Variants in VWCE observed in about 807,000 individuals in gnomAD.
VWCE encodes the protein von Willebrand factor C and EGF domains.
Under a neutral mutation model 102.9 loss-of-function variants are expected in VWCE, and 68 were observed. The observed-to-expected ratio is 0.66, with a 90% CI of 0.54 to 0.81. VWCE has a LOEUF of 0.81. Ranked by LOEUF, VWCE falls within the 30% of genes least tolerant of loss-of-function variation. The pLI, the probability that VWCE is intolerant of heterozygous loss-of-function variation, is 0.00. For synonymous variants in VWCE, 497 were observed against 515.4 expected, an observed-to-expected ratio of 0.96 and a Z score of 0.48; for missense variants, 1,137 against 1,263.6, an observed-to-expected ratio of 0.90 and a Z score of 1.52.
rs746761143 is a variant in VWCE at position 61,286,401 on chromosome 11, C to T, written c.454G>A (p.Glu152Lys). Residue 152 changes from glutamate (E) to lysine (K), a missense_variant, in exon 5 of 20, where the codon GAG (glutamate) becomes AAG (lysine). By Grantham distance (56) the Glu-to-Lys change is moderately conservative (BLOSUM62 1). Around this residue, in one of 5 missense-constraint regions of VWCE, gnomAD observed 575 missense variants for 625.9 expected, o/e 0.92. Coordinates refer to ENST00000335613, the MANE Select transcript of VWCE (RefSeq NM_152718.2). Reference protein sequence around the residue: ...DIDECVTSSCEGHCVNTEGGF... With the variant: ...DIDECVTSSCKGHCVNTEGGF... ...CCTTCTGTGTTCACACAGTGGCCCT[C>T]GCAGGAGGAGGTTACACATTCGTCA... 16 of 1,612,754 alleles carry T rather than the reference C, an allele frequency of 9.9e-6. No individual in the cohort carries two copies. The South Asian group carries it at 1.1e-4, about 11-fold the overall frequency.
At chr11:61,292,770 C>A (rs1190560098) in intron 1 of VWCE, among the ~76,000 whole-genome samples, 1 of 152,086 alleles carries the variant, frequency 6.6e-6, no homozygotes, top group East Asian at 1.9e-4. Context: ...CATAGAGTGA[C>A]AAATGCCACA....
chr11:61,268,970 G>A lies in VWCE; in HGVS notation c.1834C>T (p.Pro612Ser), dbSNP rs755637025. Residue 612 changes from proline (P) to serine (S), a missense_variant, in exon 15 of 20, where the codon CCT (proline) becomes TCT (serine). Pro to Ser is a moderately conservative substitution (Grantham distance 74). This residue lies in a region of VWCE where 212 missense variants were observed against 235.1 expected (regional missense o/e 0.90). Transcript: ENST00000335613. ...TGTCCAGGGATCCGGATCGGGTGAG[G>A]GCAGGAGTCCACACAGTCTGTCCTC... ...CKRTDCVDSCPHPIRIPGQCC... is the reference protein window; with the variant it reads ...CKRTDCVDSCSHPIRIPGQCC... The A allele has an allele frequency of 4.3e-6, 7 of 1,614,114 alleles. No homozygotes were observed. Among genetic ancestry groups the A allele is most frequent in the Admixed American group, 1.7e-5 (1 of 60,032 alleles).
chr11:61,260,352 T>C (rs963698772), intron 19 of VWCE, among the ~76,000 whole-genome samples: 4 of 152,180 alleles, frequency 2.6e-5, no homozygotes, highest in African/African-American at 9.7e-5. Context: ...TGGCTCACTG[T>C]ACCCTCAACC....
intron 11 of VWCE, 71 bp downstream of exon 11, chr11:61,276,522 G>T: frequency 8.4e-7 from 1 of 1,187,586 alleles, no homozygotes; most frequent in Non-Finnish European, 1.1e-6. Context: ...ACCAGCCTGG[G>T]CAACATAGTG....
At chr11:61,286,505 A>C in intron 4 of VWCE, 75 bp from the exon 5 acceptor site, 2 of 1,426,758 alleles carry the variant, frequency 1.4e-6, no homozygotes, top group East Asian at 2.3e-5. Context: ...GTGTCTGGGA[A>C]GAAAGCACCC....
chr11:61,274,541 C>T lies in VWCE; in HGVS notation c.1539G>A (p.Val513=). Residue 513 remains valine (V), a synonymous_variant, in exon 12 of 20, where the codon GTG becomes GTA. Coordinates refer to ENST00000335613, the MANE Select transcript of VWCE (RefSeq NM_152718.2). ...FHGRWYADGA[V]FSGGGDECTT... is the part of the protein sequence containing the mutation. ...TACACTCGTCACCACCCCCACTGAA[C>T]ACAGCCCCGTCTGCGTACCACCGGC... 6.2e-7 allele frequency: 1 copy of T among 1,613,852 alleles called. No individual in the cohort carries two copies. Among genetic ancestry groups the T allele is most frequent in the South Asian group, 1.1e-5 (1 of 90,984 alleles).
intron 16 of VWCE, 29 bp downstream of exon 16, chr11:61,267,433 G>A (rs1854545167): frequency 2.5e-6 from 4 of 1,609,684 alleles, no homozygotes; most frequent in Non-Finnish European, 3.4e-6. Context: ...AGTTTCCAGG[G>A]GCGGGAGTCA....
chr11:61,259,240 C>T lies in VWCE; in HGVS notation c.2303G>A (p.Arg768Gln), dbSNP rs541004294. Reference protein sequence around the residue: ...HGNVAFSKAGRSLHGDTEAPV... With the variant: ...HGNVAFSKAGQSLHGDTEAPV... ...GGCCTCAGTGTCTCCATGCAGGCTCCGACCAGCTTTGCTGAATGCCACATT... is the reference window on the plus strand; with the variant it reads ...GGCCTCAGTGTCTCCATGCAGGCTCTGACCAGCTTTGCTGAATGCCACATT... The change falls in exon 20 of 20, where the codon CGG becomes CAG. Residue 768 changes from arginine (R) to glutamine (Q), a missense_variant. Coordinates refer to ENST00000335613, the MANE Select transcript of VWCE (RefSeq NM_152718.2). 24 of 1,612,966 alleles carry T rather than the reference C, an allele frequency of 1.5e-5. 1 individual carries two copies. The highest frequency in any genetic ancestry group is 8.8e-5 in the South Asian group (8 of 91,022).
intron 10 of VWCE, among the ~76,000 whole-genome samples, chr11:61,277,704 C>T (rs775711130): frequency 1.3e-5 from 2 of 152,150 alleles, no homozygotes; most frequent in African/African-American, 2.4e-5. Context: ...GCTCTGCCAC[C>T]TCCCACCCTC....
chr11:61,268,291 T>C (rs1854571216), intron 15 of VWCE, among the ~76,000 whole-genome samples: 1 of 152,136 alleles, frequency 6.6e-6, no homozygotes, highest in Admixed American at 6.6e-5. Context: ...CATTGGCTCA[T>C]GCCTGTAATC....
intron 1 of VWCE, among the ~76,000 whole-genome samples, chr11:61,292,658 C>T (rs1331237306): frequency 6.6e-6 from 1 of 152,170 alleles, no homozygotes; most frequent in East Asian, 1.9e-4. Flanking sequence ...ATGCATCCAA[C>T]TGGTGCTGGG....
In VWCE at chr11:61,277,804, C is replaced by T. The variant is rs77369173; in HGVS notation, c.1407+590G>A. 2.2e-3 allele frequency among the ~76,000 whole-genome samples: 336 copies of T among 152,182 alleles called. 3 individuals carry two copies. Among genetic ancestry groups the T allele is most frequent in the African/African-American group, 7.6e-3 (315 of 41,514 alleles). ...GAAGAAAGAGATGAGAAGCACCAACCCTGGGCCTGGCACTCAGTAGATGCT... is the reference window on the plus strand; with the variant it reads ...GAAGAAAGAGATGAGAAGCACCAACTCTGGGCCTGGCACTCAGTAGATGCT... On this transcript the variant is annotated intron_variant, in intron 10 of 19. Transcript: ENST00000335613.
At chr11:61,264,853 G>A in intron 18 of VWCE, 103 bp downstream of exon 18, 2 of 1,277,538 alleles carry the variant, frequency 1.6e-6, no homozygotes, top group South Asian at 2.6e-5. Context: ...ATGGCAGGAG[G>A]ATGGATTTAT....
intron 6 of VWCE, 124 bp from the exon 7 acceptor site, chr11:61,282,038 C>T: frequency 2.1e-6 from 3 of 1,409,526 alleles, no homozygotes; most frequent in Non-Finnish European, 1.9e-6. Context: ...TCCATGCCTG[C>T]CCCGAGGTGC....
chr11:61,290,849 C>A lies in VWCE; in HGVS notation c.374G>T (p.Cys125Phe), dbSNP rs1855481548. The change falls in exon 4 of 20, where the codon TGC becomes TTC. Residue 125 changes from cysteine (C) to phenylalanine (F), a missense_variant. Around this residue, in one of 5 missense-constraint regions of VWCE, gnomAD observed 575 missense variants for 625.9 expected, o/e 0.92. Coordinates refer to ENST00000335613, the MANE Select transcript of VWCE (RefSeq NM_152718.2). ...CTCCGTCATCGAGAAGCCCACGGGG[C>A]ACACTCGGGCCACCTCCTGACAGCC... ...HGGCQEVARVCPVGFSMTETA... is the reference protein window; with the variant it reads ...HGGCQEVARVFPVGFSMTETA... 6.2e-7 allele frequency: 1 copy of A among 1,613,634 alleles called. No homozygotes were observed. The highest frequency in any genetic ancestry group is 1.3e-5 in the African/African-American group (1 of 74,788).
chr11:61,269,813 G>C (rs940285592), intron 14 of VWCE, among the ~76,000 whole-genome samples: 2 of 151,904 alleles, frequency 1.3e-5, no homozygotes, highest in African/African-American at 4.8e-5. Context: ...TCACTCTCTT[G>C]GTGACTGATT....
In VWCE at chr11:61,259,507, G is replaced by A. The variant is rs370945090; in HGVS notation, c.2231-195C>T. ...ATGAACGGAGGGAGGCAGGCAGTTAGCTGTGTGACCTCACGCAAGGCATGC... is the reference window on the plus strand; with the variant it reads ...ATGAACGGAGGGAGGCAGGCAGTTAACTGTGTGACCTCACGCAAGGCATGC... On this transcript the variant is annotated intron_variant, in intron 19 of 19. Coordinates refer to ENST00000335613, the MANE Select transcript of VWCE (RefSeq NM_152718.2). Among the ~76,000 whole-genome samples the A allele has an allele frequency of 6.3e-4, 96 of 152,302 alleles. 1 individual carries two copies. In the South Asian group the frequency reaches 0.017, roughly 27 times the overall value.
intron 14 of VWCE, 123 bp from the exon 15 acceptor site, chr11:61,269,141 C>A (rs957730720): frequency 1.2e-6 from 1 of 848,072 alleles, no homozygotes; most frequent in Non-Finnish European, 1.9e-6. Flanking sequence ...CAACATGACG[C>A]GGCTGGAAGA....
At chr11:61,266,909 A>T (rs1854531912) in intron 16 of VWCE, among the ~76,000 whole-genome samples, 1 of 152,160 alleles carries the variant, frequency 6.6e-6, no homozygotes, top group Non-Finnish European at 1.5e-5. Context: ...AGAATCCCTA[A>T]GACTCTCTCT....
Sources: allele counts gnomAD v4.1 joint callset (sites outside exome capture counted in the v4.1 genomes callset), GRCh38; gene constraint gnomAD v4.1.1; regional missense constraint gnomAD v4.1.1; transcripts MANE v1.5; gene names NCBI Gene and HGNC (gene_info 2026-07-23, HGNC 2026-07-21).